The following PHAX variants were observed in gnomAD, a reference collection of about 807,000 sequenced individuals.
PHAX encodes the protein phosphorylated adaptor for RNA export, also known as phosphorylated adapter RNA export protein.
PHAX carries 31 observed loss-of-function variants against 41.6 expected under a neutral mutation model. The ratio of observed to expected loss-of-function variants is 0.75; its 90% confidence interval spans 0.56 to 1.01. PHAX has a LOEUF of 1.01. Among genes scored for constraint, PHAX ranks in the 50% least tolerant of loss-of-function variants. The pLI, the probability that PHAX is intolerant of heterozygous loss-of-function variation, is 0.00. For missense variants in PHAX, 453 were observed against 472.9 expected (o/e 0.96, Z 0.39); for synonymous variants, 175 against 164.9 (o/e 1.06, Z -0.47).
intron 3 of PHAX, among the ~76,000 whole-genome samples, chr5:126,610,421 GA>G (rs1037737269): frequency 6.6e-6 from 1 of 151,826 alleles, no homozygotes; most frequent in African/African-American, 2.4e-5. Flanking sequence ...GACATGGGGA[GA>G]AAAAAAACCC....
At chr5:126,606,145 TTTTG>T (rs1473612779) in intron 2 of PHAX, among the ~76,000 whole-genome samples, 17 of 152,040 alleles carry the variant, frequency 1.1e-4, no homozygotes, top group Non-Finnish European at 1.5e-4. Context: ...AATGTTATGT[TTTTG>T]TTTGTTTTTG....
At chr5:126,605,506 G>A (rs1751975160) in intron 2 of PHAX, among the ~76,000 whole-genome samples, 1 of 151,952 alleles carries the variant, frequency 6.6e-6, no homozygotes, top group African/African-American at 2.4e-5. Flanking sequence ...GAACGTGAGA[G>A]AGCCACCTGA....
chr5:126,608,796 C>T (rs1319152602), intron 3 of PHAX, among the ~76,000 whole-genome samples: 5 of 151,678 alleles, frequency 3.3e-5, no homozygotes, highest in Admixed American at 6.6e-5. Context: ...ATTAGCCAAG[C>T]GTGGTGGCAC....
intron 4 of PHAX, among the ~76,000 whole-genome samples, chr5:126,620,538 C>G (rs1236891250): frequency 2.6e-5 from 4 of 152,144 alleles, no homozygotes; most frequent in African/African-American, 9.6e-5. Context: ...ACACAGACCA[C>G]TCTGACTCCA....
intron 3 of PHAX, among the ~76,000 whole-genome samples, chr5:126,611,942 G>A (rs1752109652): frequency 6.6e-6 from 1 of 151,824 alleles, no homozygotes; most frequent in Non-Finnish European, 1.5e-5. Flanking sequence ...AAGACTTGAG[G>A]TGAAGCAATG....
At chr5:126,607,934 CTA>C (rs1204723327) in intron 2 of PHAX, among the ~76,000 whole-genome samples, 1 of 152,110 alleles carries the variant, frequency 6.6e-6, no homozygotes, top group East Asian at 1.9e-4. Context: ...GGCAGGGAGT[CTA>C]TGAGGGAAAG....
chr5:126,618,619 A>G (rs1319646254), intron 4 of PHAX, among the ~76,000 whole-genome samples: 1 of 148,644 alleles, frequency 6.7e-6, no homozygotes, highest in African/African-American at 2.5e-5. Flanking sequence ...ATATATTTTT[A>G]ATTAAATTTT....
chr5:126,605,999 C>T (rs1034888420), intron 2 of PHAX, among the ~76,000 whole-genome samples: 4 of 152,138 alleles, frequency 2.6e-5, no homozygotes, highest in Admixed American at 6.6e-5. Flanking sequence ...TGTCCACATG[C>T]CAGTTTATAG....
intron 2 of PHAX, among the ~76,000 whole-genome samples, chr5:126,607,388 CTTTTTTTTTTTTT>C (rs58375322): frequency 9.7e-4 from 83 of 85,392 alleles, no homozygotes; most frequent in Middle Eastern, 7.1e-3. Flanking sequence ...GGTCTGAATT[CTTTTTTTTTTTTT>C]TTTTTTTTTT....
intron 2 of PHAX, among the ~76,000 whole-genome samples, chr5:126,605,380 C>G (rs746425205): frequency 5.3e-5 from 8 of 151,842 alleles, no homozygotes; most frequent in Non-Finnish European, 7.4e-5. Context: ...TGAATACATT[C>G]GTAATGTATT....
chr5:126,613,982 C>T (rs1581419960), intron 3 of PHAX, among the ~76,000 whole-genome samples: 1 of 151,954 alleles, frequency 6.6e-6, no homozygotes, highest in South Asian at 2.1e-4. Context: ...CACCATGTTG[C>T]CCAGGCTGGT....
intron 3 of PHAX, among the ~76,000 whole-genome samples, chr5:126,613,178 G>A (rs757173892): frequency 7.9e-5 from 12 of 152,154 alleles, no homozygotes; most frequent in Admixed American, 2.6e-4. Context: ...GTGAAACCCC[G>A]TCTCTGCTAA....
At chr5:126,615,535 C>CTTT in intron 3 of PHAX, among the ~76,000 whole-genome samples, 1 of 137,292 alleles carries the variant, frequency 7.3e-6, no homozygotes, top group Non-Finnish European at 1.5e-5. Context: ...TTGCGCCCCT[C>CTTT]TGGGGATTTT....
chr5:126,608,879 G>T (rs1455881236), intron 3 of PHAX, among the ~76,000 whole-genome samples: 1 of 151,288 alleles, frequency 6.6e-6, no homozygotes, highest in Admixed American at 6.6e-5. Flanking sequence ...AGAGGTTTCA[G>T]TGAGCTGAGA....
intron 3 of PHAX, among the ~76,000 whole-genome samples, chr5:126,616,160 T>C (rs148133919): frequency 8.7e-4 from 132 of 151,456 alleles, no homozygotes; most frequent in Middle Eastern, 3.4e-3. Context: ...TGGCACAGTC[T>C]CGGTTCACTG....
rs1169248977 is a variant in PHAX, at chr5:126,624,856, A to G, written c.*12A>G. 5 of 1,597,786 alleles carry G rather than the reference A, an allele frequency of 3.1e-6. No individual in the cohort carries two copies. In the South Asian group the frequency reaches 3.4e-5, roughly 11 times the overall value. The stretch of plus-strand genomic sequence containing the variant: ...TGGACATCTTTTAAGTACATTTTCA[A>G]CAGTTTGAGGACTAAGCCTTTCTAA... On this transcript the variant is annotated 3_prime_UTR_variant, in exon 5 of 5. Coordinates refer to ENST00000297540, the MANE Select transcript of PHAX (RefSeq NM_032177.4).
chr5:126,612,177 G>T (rs2112833414), intron 3 of PHAX, among the ~76,000 whole-genome samples: 1 of 152,234 alleles, frequency 6.6e-6, no homozygotes, highest in Non-Finnish European at 1.5e-5. Flanking sequence ...TTTAAAGATA[G>T]GCTCTTACCC....
chr5:126,610,104 G>A (rs957094449), intron 3 of PHAX, among the ~76,000 whole-genome samples: 2 of 152,210 alleles, frequency 1.3e-5, no homozygotes, highest in Admixed American at 1.3e-4. Flanking sequence ...GTATTTTTGT[G>A]TGTATTAAAA....
rs1311805302 is a variant in PHAX, at chr5:126,624,999, A to G, written c.*155A>G. 9.2e-6 allele frequency: 6 copies of G among 650,982 alleles called. No homozygotes were observed. Among genetic ancestry groups the G allele is most frequent in the South Asian group, 6.3e-5 (3 of 47,338 alleles). The allele number at this position is 650,982 out of a possible 1,614,324, so 40.3% of individuals were successfully genotyped here. ...TAAAATATGTGTGGAAAGGAATGCA[A>G]TTGATAGAACATTTAAAGATATATC... On this transcript the variant is annotated 3_prime_UTR_variant, in exon 5 of 5. Transcript: ENST00000297540.
Sources: allele counts gnomAD v4.1 joint callset (sites outside exome capture counted in the v4.1 genomes callset), GRCh38; gene constraint gnomAD v4.1.1; transcripts MANE v1.5; gene names NCBI Gene and HGNC (gene_info 2026-07-23, HGNC 2026-07-21).